Variants in ESRRB observed in about 807,000 individuals in gnomAD.
ESRRB encodes the protein estrogen related receptor beta, also known as steroid hormone receptor ERR2.
In ESRRB, 16 loss-of-function variants were observed where a neutral mutation model predicts 46.0. The observed-to-expected ratio is 0.35, with a 90% CI of 0.24 to 0.53. The LOEUF (loss-of-function observed/expected upper bound fraction) is 0.53. ESRRB is among the 20% of genes least tolerant of loss of function. The pLI is 0.93. For missense variants in ESRRB, 488 were observed against 607.4 expected (o/e 0.80, Z 2.07); for synonymous variants, 246 against 259.6 (o/e 0.95, Z 0.50).
At chr14:76,396,659 C>A (rs1263926394) in intron 1 of ESRRB, among the ~76,000 whole-genome samples, 1 of 152,240 alleles carries the variant, frequency 6.6e-6, no homozygotes, top group African/African-American at 2.4e-5. Flanking sequence ...TCTGTCCCTG[C>A]TCCAGGTCCC....
At chr14:76,462,489 C>T in intron 2 of ESRRB, 56 bp from the exon 3 acceptor site, 1 of 1,356,324 alleles carries the variant, frequency 7.4e-7, no homozygotes, top group East Asian at 2.3e-5. Context: ...CCTGCGCTGG[C>T]AGGTGGGGGC....
At chr14:76,373,541 C>T (rs1395505648), upstream of ESRRB, among the ~76,000 whole-genome samples, 1 of 152,202 alleles carries the variant, frequency 6.6e-6, no homozygotes, top group Non-Finnish European at 1.5e-5. Context: ...ATGTGGGCCC[C>T]ATGCACAGTG....
chr14:76,317,318 G>C (rs1883813708), intron 1 of ESRRB, among the ~76,000 whole-genome samples: 1 of 139,020 alleles, frequency 7.2e-6, no homozygotes, highest in African/African-American at 2.9e-5. Flanking sequence ...CTCTGTGTGT[G>C]TGTGTGTGTG....
rs149033004 is a variant in ESRRB at position 76,328,316 on chromosome 14, AC to A, written c.2+17401del. 8.4e-3 allele frequency among the ~76,000 whole-genome samples: 1,286 copies of A among 152,302 alleles called. 16 individuals are homozygous for A. Among genetic ancestry groups the A allele is most frequent in the African/African-American group, 0.027 (1,116 of 41,548 alleles). ...TTAGAAACTTCAAATGTAGGAAGAT[AC>A]AGGAAAGAGAGGAAGCAGTTAGAGT... On this transcript the variant is annotated intron_variant, in intron 1 of 6. Coordinates refer to the ESRRB transcript ENST00000512784.
At chr14:76,321,912 C>T (rs1336932399) in intron 1 of ESRRB, among the ~76,000 whole-genome samples, 1 of 151,856 alleles carries the variant, frequency 6.6e-6, no homozygotes, top group Non-Finnish European at 1.5e-5. Context: ...ATATTCTTCC[C>T]ATTATACAAA....
intron 1 of ESRRB, among the ~76,000 whole-genome samples, chr14:76,399,139 G>A (rs1019231368): frequency 3.3e-5 from 5 of 152,090 alleles, no homozygotes; most frequent in African/African-American, 1.2e-4. Flanking sequence ...TGGGAGGGAA[G>A]GTTCCTGTGG....
chr14:76,473,017 C>A (rs1889432786), intron 3 of ESRRB, among the ~76,000 whole-genome samples: 2 of 152,204 alleles, frequency 1.3e-5, no homozygotes, highest in Admixed American at 1.3e-4. Context: ...AAAGTCTGTG[C>A]CGTTCAAAGG....
Position 76,482,142 on chromosome 14 carries a change from G to GGGAC in ESRRB, c.688+16_688+17insGGAC. The GGGAC allele has an allele frequency of 6.3e-7, 1 of 1,585,706 alleles. No individual in the cohort carries two copies. Among genetic ancestry groups the GGGAC allele is most frequent in the Non-Finnish European group, 8.7e-7 (1 of 1,154,138 alleles). On this transcript the variant is annotated intron_variant, in intron 4 of 6. Transcript: ENST00000644823. This position sits in a 1 kb window ranked among gnomAD's most constrained non-coding sequence, Gnocchi z 4.3. ...AAAAAGCCATGTGAGTGTCAGGGCA[G>GGGAC]TCCCTGCCCCTTTTGCCAGCATCTG... is the stretch of plus-strand genomic sequence containing the variant.
chr14:76,484,880 G>A (rs114318760), intron 5 of ESRRB, among the ~76,000 whole-genome samples: 2,450 of 152,282 alleles, frequency 0.016, 63 homozygotes, highest in African/African-American at 0.057. Flanking sequence ...TGGGAATCAC[G>A]ATAGAGCCCC....
intron 1 of ESRRB, among the ~76,000 whole-genome samples, chr14:76,430,971 G>A (rs1887415461): frequency 6.6e-6 from 1 of 152,208 alleles, no homozygotes; most frequent in African/African-American, 2.4e-5. Context: ...AGGCCACCTA[G>A]TGTGGGAAAG....
intron 3 of ESRRB, among the ~76,000 whole-genome samples, chr14:76,474,014 T>A (rs1334759083): frequency 6.6e-6 from 1 of 152,262 alleles, no homozygotes; most frequent in Non-Finnish European, 1.5e-5. Context: ...GGAGCAGTTA[T>A]GACTGCAGCC....
At chr14:76,353,338 A>T (rs1364541306) in intron 1 of ESRRB, among the ~76,000 whole-genome samples, 1 of 152,190 alleles carries the variant, frequency 6.6e-6, no homozygotes, top group Non-Finnish European at 1.5e-5. Flanking sequence ...ACCGATGGGC[A>T]GCTGAAAGGC....
At chr14:76,352,648 G>A (rs1004834214) in intron 1 of ESRRB, among the ~76,000 whole-genome samples, 7 of 152,348 alleles carry the variant, frequency 4.6e-5, no homozygotes, top group African/African-American at 1.4e-4. Context: ...TGACTATAAA[G>A]TGGAGACAAT....
chr14:76,461,171 C>T (rs1415277556), intron 2 of ESRRB, among the ~76,000 whole-genome samples: 1 of 152,236 alleles, frequency 6.6e-6, no homozygotes. Flanking sequence ...GGACTGTCAA[C>T]CCTCCCAGGA....
chr14:76,426,343 C>T lies in ESRRB; in HGVS notation c.51-12998C>T, dbSNP rs1887201718. Among the ~76,000 whole-genome samples, 4 of 152,144 alleles carry T rather than the reference C, an allele frequency of 2.6e-5. No individual in the cohort carries two copies. In the South Asian group the frequency reaches 8.3e-4, roughly 31 times the overall value. The stretch of plus-strand genomic sequence containing the variant: ...GTGGCTTATATTACTTTGCCCACAT[C>T]CCATTGGCCAAGACCCAGTCATATG... On this transcript the variant is annotated intron_variant, in intron 1 of 6. Coordinates refer to ENST00000644823, the MANE Select transcript of ESRRB (RefSeq NM_001379180.1).
chr14:76,460,340 C>T (rs184847750), intron 2 of ESRRB, among the ~76,000 whole-genome samples: 3 of 152,338 alleles, frequency 2.0e-5, no homozygotes, highest in South Asian at 2.1e-4. Context: ...CCTTGGGTAA[C>T]CTGCTTCAGC....
chr14:76,422,223 T>A, intron 1 of ESRRB, among the ~76,000 whole-genome samples: 1 of 146,988 alleles, frequency 6.8e-6, no homozygotes, highest in Admixed American at 6.8e-5. Context: ...TTTTTTTTTT[T>A]TTTTTTGAGA....
intron 1 of ESRRB, among the ~76,000 whole-genome samples, chr14:76,422,383 T>G (rs1222149690): frequency 6.6e-6 from 1 of 151,774 alleles, no homozygotes; most frequent in Admixed American, 6.6e-5. Flanking sequence ...GCTAATTTTT[T>G]TTGTATTTTA....
chr14:76,402,753 C>T (rs755769314), intron 1 of ESRRB, among the ~76,000 whole-genome samples: 3 of 152,076 alleles, frequency 2.0e-5, no homozygotes, highest in Non-Finnish European at 4.4e-5. Flanking sequence ...AGGCTGGCCT[C>T]GAACTCCTGG....
Sources: gnomAD v4.1 joint callset for allele counts (sites outside exome capture counted in the v4.1 genomes callset) on GRCh38, gnomAD v4.1.1 for gene constraint, Gnocchi (gnomAD v3.1) non-coding constraint, MANE v1.5 for transcripts, NCBI Gene and HGNC (gene_info 2026-07-23, HGNC 2026-07-21) for gene names.